The following TRIO variants were observed in gnomAD, a reference collection of about 807,000 sequenced individuals.
TRIO encodes trio Rho guanine nucleotide exchange factor.
Under a neutral mutation model 351.9 loss-of-function variants are expected in TRIO, and 58 were observed. The ratio of observed to expected loss-of-function variants is 0.16; its 90% confidence interval spans 0.13 to 0.21. The LOEUF is 0.21. Among genes scored for constraint, TRIO ranks in the 10% least tolerant of loss-of-function variants. The pLI, the probability that TRIO is intolerant of heterozygous loss-of-function variation, is 1.00. For synonymous variants in TRIO, 1,758 were observed against 1,595.7 expected, an observed-to-expected ratio of 1.10 and a Z score of -2.42; for missense variants, 3,201 against 4,027.8, an observed-to-expected ratio of 0.79 and a Z score of 5.56.
At chr5:14,305,402 G>C (rs1350675453) in intron 8 of TRIO, among the ~76,000 whole-genome samples, 1 of 152,216 alleles carries the variant, frequency 6.6e-6, no homozygotes, top group African/African-American at 2.4e-5. Context: ...CGTTCCTGGA[G>C]GTGAAGGCGA....
intron 9 of TRIO, among the ~76,000 whole-genome samples, chr5:14,321,749 A>G (rs989468558): frequency 6.6e-6 from 1 of 152,150 alleles, no homozygotes; most frequent in African/African-American, 2.4e-5. Context: ...CATAATTCCC[A>G]CTTGTCATGG....
rs781119844 is a variant in TRIO at position 14,459,737 on chromosome 5, GA to G, written c.5204-1277del. The stretch of plus-strand genomic sequence containing the variant: ...TGGGTGACAGAGCAAGACTCCATCT[GA>G]AAAACAAAACAAAGAAAAATTGGAT... On this transcript the variant is annotated intron_variant, in intron 34 of 56. Coordinates refer to ENST00000344204, the MANE Select transcript of TRIO (RefSeq NM_007118.4). Among the ~76,000 whole-genome samples the G allele has an allele frequency of 9.2e-5, 14 of 152,138 alleles. No homozygotes were observed. In the East Asian group the frequency reaches 2.5e-3, roughly 27 times the overall value.
Position 14,509,739 on chromosome 5 carries a change from C to T in TRIO, c.*1317C>T, listed in dbSNP as rs1041803385. On this transcript the variant is annotated 3_prime_UTR_variant, in exon 57 of 57. Coordinates refer to ENST00000344204, the MANE Select transcript of TRIO (RefSeq NM_007118.4). ...ATGCCCGAGTCACTGTGGCAGCATTCGCACTGGTGTGGGGAGTCCTTTCAA... is the reference window on the plus strand; with the variant it reads ...ATGCCCGAGTCACTGTGGCAGCATTTGCACTGGTGTGGGGAGTCCTTTCAA... 3 of 313,088 alleles carry T rather than the reference C, an allele frequency of 9.6e-6. No homozygotes were observed. Among genetic ancestry groups the T allele is most frequent in the Non-Finnish European group, 1.8e-5 (3 of 163,126 alleles). The allele number at this position is 313,088 out of a possible 1,614,324, so 19.4% of individuals were successfully genotyped here.
intron 11 of TRIO, among the ~76,000 whole-genome samples, chr5:14,341,499 A>C (rs908660595): frequency 6.6e-6 from 1 of 152,202 alleles, no homozygotes; most frequent in Non-Finnish European, 1.5e-5. Flanking sequence ...ACCTCCTGGA[A>C]TTGGCAGATA....
chr5:14,429,274 A>G (rs1234208084), intron 34 of TRIO, among the ~76,000 whole-genome samples: 1 of 152,210 alleles, frequency 6.6e-6, no homozygotes, highest in Non-Finnish European at 1.5e-5. Flanking sequence ...CACAGCAGCC[A>G]GGCGCTGATG....
intron 1 of TRIO, among the ~76,000 whole-genome samples, chr5:14,233,451 C>T (rs933158006): frequency 5.3e-5 from 8 of 151,832 alleles, no homozygotes; most frequent in African/African-American, 1.9e-4. Context: ...TATGGCACCA[C>T]TGCATTCCAG....
At chr5:14,297,309 T>C in intron 7 of TRIO, 46 bp downstream of exon 7, 1 of 1,574,456 alleles carries the variant, frequency 6.4e-7, no homozygotes, top group Non-Finnish European at 8.6e-7. Flanking sequence ...ACCAGAATAG[T>C]TCTTCCTCCA....
chr5:14,276,093 C>T (rs1012723045), intron 2 of TRIO, among the ~76,000 whole-genome samples: 10 of 150,176 alleles, frequency 6.7e-5, no homozygotes, highest in Non-Finnish European at 1.3e-4. Flanking sequence ...GTGCAGTGAA[C>T]ATTCACTCTT....
chr5:14,454,273 G>A (rs1375764639), intron 34 of TRIO, among the ~76,000 whole-genome samples: 2 of 152,108 alleles, frequency 1.3e-5, no homozygotes, highest in African/African-American at 4.8e-5. Flanking sequence ...TCTGTCCTGA[G>A]CCCCCACCCC....
chr5:14,309,402 G>T (rs1377717813), intron 8 of TRIO, among the ~76,000 whole-genome samples: 3 of 152,118 alleles, frequency 2.0e-5, no homozygotes, highest in African/African-American at 7.2e-5. Context: ...ACCTCTTTTG[G>T]CACCTCCACC....
chr5:14,420,205 C>A, intron 34 of TRIO, 184 bp downstream of exon 34: 1 of 871,330 alleles, frequency 1.1e-6, no homozygotes. Flanking sequence ...ATGAGGATTT[C>A]ACCCACGACT....
At chr5:14,247,898 T>A (rs1055351654) in intron 1 of TRIO, among the ~76,000 whole-genome samples, 1 of 152,028 alleles carries the variant, frequency 6.6e-6, no homozygotes, top group Non-Finnish European at 1.5e-5. Flanking sequence ...AAACCCCATC[T>A]CTACTAAACA....
chr5:14,196,180 G>A (rs1238928777), intron 1 of TRIO, among the ~76,000 whole-genome samples: 2 of 152,102 alleles, frequency 1.3e-5, no homozygotes, highest in Admixed American at 6.5e-5. Context: ...CAGAACTTTG[G>A]GAGGCTGAGA....
chr5:14,246,011 C>T (rs1233697194), intron 1 of TRIO, among the ~76,000 whole-genome samples: 1 of 152,196 alleles, frequency 6.6e-6, no homozygotes, highest in Non-Finnish European at 1.5e-5. Flanking sequence ...GGGAGTAACT[C>T]CCGGTTAACG....
In TRIO at chr5:14,292,132, A is replaced by G. The variant is rs1466961376; in HGVS notation, c.1054-880A>G. On this transcript the variant is annotated intron_variant, in intron 5 of 56. Transcript: ENST00000344204. ...TGGAGCTCATTGAATTTTATATTAC[A>G]TGGACAGGAGAATATTTTGTAAAGT... is the stretch of plus-strand genomic sequence containing the variant. Among the ~76,000 whole-genome samples, 3 of 152,266 alleles carry G rather than the reference A, an allele frequency of 2.0e-5. No individual in the cohort carries two copies. The East Asian group carries it at 5.8e-4, about 29-fold the overall frequency.
At chr5:14,152,886 C>T (rs1310029834) in intron 1 of TRIO, among the ~76,000 whole-genome samples, 1 of 152,190 alleles carries the variant, frequency 6.6e-6, no homozygotes, top group African/African-American at 2.4e-5. Flanking sequence ...CATTTAGTGC[C>T]AGAATGTTGT....
chr5:14,447,172 CAGTG>C (rs1752500614), intron 34 of TRIO, among the ~76,000 whole-genome samples: 1 of 152,154 alleles, frequency 6.6e-6, no homozygotes, highest in Non-Finnish European at 1.5e-5. Context: ...GCGGAGGTCA[CAGTG>C]AGCCAAGATC....
chr5:14,300,463 C>G (rs1271737073), intron 7 of TRIO, among the ~76,000 whole-genome samples: 1 of 152,202 alleles, frequency 6.6e-6, no homozygotes, highest in Non-Finnish European at 1.5e-5. Flanking sequence ...CTGTAATTGA[C>G]AGCACAGATA....
intron 10 of TRIO, among the ~76,000 whole-genome samples, chr5:14,335,146 G>A (rs1579355934): frequency 6.6e-6 from 1 of 152,020 alleles, no homozygotes; most frequent in African/African-American, 2.4e-5. Context: ...TTTCTCCTTC[G>A]CTATATTTAT....
Sources: gnomAD v4.1 joint callset for allele counts (sites outside exome capture counted in the v4.1 genomes callset) on GRCh38, gnomAD v4.1.1 for gene constraint, MANE v1.5 for transcripts, NCBI Gene and HGNC (gene_info 2026-07-23, HGNC 2026-07-21) for gene names.